The following CD48 variants were observed in gnomAD, a reference collection of about 807,000 sequenced individuals.
CD48 encodes CD48 antigen.
Under a neutral mutation model 22.0 loss-of-function variants are expected in CD48, and 20 were observed. That is an observed-to-expected ratio of 0.91 (90% confidence interval 0.64 to 1.32). The LOEUF (loss-of-function observed/expected upper bound fraction) is 1.32. CD48 is among the 40% of genes most tolerant of loss of function. CD48 has a pLI of 0.00. For synonymous variants in CD48, 110 were observed against 110.1 expected, an observed-to-expected ratio of 1.00 and a Z score of 0.01; for missense variants, 307 against 286.5, an observed-to-expected ratio of 1.07 and a Z score of -0.52.
intron 1 of CD48, among the ~76,000 whole-genome samples, chr1:160,704,662 T>C (rs1231896139): frequency 6.6e-6 from 1 of 152,240 alleles, no homozygotes; most frequent in African/African-American, 2.4e-5. Context: ...CTATTTTTTA[T>C]GCTGTCATGT....
In CD48 at chr1:160,682,603, C is replaced by T. The variant is rs138353164; in HGVS notation, c.386-1135G>A. ...TTTTGGAGTGAGACCAGCCTGGGTC[C>T]TGGACTTGACTCTAGTGGAGTGACA... On this transcript the variant is annotated intron_variant, in intron 2 of 3. Coordinates refer to ENST00000368046, the MANE Select transcript of CD48 (RefSeq NM_001778.4). Among the ~76,000 whole-genome samples the T allele has an allele frequency of 3.6e-3, 549 of 151,980 alleles. 5 individuals are homozygous for T. The highest frequency in any genetic ancestry group is 0.013 in the African/African-American group (524 of 41,424).
intron 1 of CD48, among the ~76,000 whole-genome samples, chr1:160,686,145 G>C (rs1661992213): frequency 6.6e-6 from 1 of 152,124 alleles, no homozygotes; most frequent in Non-Finnish European, 1.5e-5. Context: ...AGGAAAGTTA[G>C]GGTGGTATAT....
At chr1:160,700,947 G>A (rs575005501) in intron 1 of CD48, among the ~76,000 whole-genome samples, 1 of 152,110 alleles carries the variant, frequency 6.6e-6, no homozygotes, top group South Asian at 2.1e-4. Flanking sequence ...TTCTTTATCA[G>A]TGGGGGCAGC....
chr1:160,682,174 G>A (rs1302297497), intron 2 of CD48, among the ~76,000 whole-genome samples: 1 of 152,090 alleles, frequency 6.6e-6, no homozygotes, highest in African/African-American at 2.4e-5. Context: ...ACAGCCGGGT[G>A]CAGCGGCTCA....
At chr1:160,704,222 T>C (rs1047020948) in intron 1 of CD48, among the ~76,000 whole-genome samples, 1 of 152,230 alleles carries the variant, frequency 6.6e-6, no homozygotes, top group African/African-American at 2.4e-5. Flanking sequence ...GCCCTAGCAG[T>C]ATTCATGTAA....
At chr1:160,679,799 A>C (rs1269139425) in intron 3 of CD48, among the ~76,000 whole-genome samples, 1 of 152,202 alleles carries the variant, frequency 6.6e-6, no homozygotes, top group East Asian at 1.9e-4. Context: ...CTTCGGATGA[A>C]CAGTCACACC....
intron 3 of CD48, chr1:160,680,834 A>T (rs1661767076): frequency 1.6e-6 from 2 of 1,288,618 alleles, no homozygotes; most frequent in African/African-American, 3.0e-5. Flanking sequence ...GCCCCTCTAG[A>T]CAGCTGCTCG....
intron 1 of CD48, among the ~76,000 whole-genome samples, chr1:160,692,894 G>A (rs1202330245): frequency 7.6e-6 from 1 of 131,376 alleles, no homozygotes; most frequent in Non-Finnish European, 1.6e-5. Context: ...GACATTATTA[G>A]ATTCCATTGC....
At chr1:160,704,374 T>C (rs915835414) in intron 1 of CD48, among the ~76,000 whole-genome samples, 3 of 152,172 alleles carry the variant, frequency 2.0e-5, no homozygotes, top group Non-Finnish European at 4.4e-5. Flanking sequence ...GAAGTAGAAA[T>C]GGGAAGTACT....
At chr1:160,692,749 G>A (rs1238227396) in intron 1 of CD48, among the ~76,000 whole-genome samples, 3 of 152,188 alleles carry the variant, frequency 2.0e-5, no homozygotes, top group Non-Finnish European at 4.4e-5. Context: ...CGTTAGAACC[G>A]ATGCCACCTG....
intron 1 of CD48, among the ~76,000 whole-genome samples, chr1:160,694,405 G>A (rs1269513977): frequency 1.3e-5 from 2 of 151,660 alleles, no homozygotes; most frequent in Non-Finnish European, 2.9e-5. Context: ...TAAATCAGTG[G>A]CCAAAAAATT....
chr1:160,691,260 G>T (rs1250685572), intron 1 of CD48, among the ~76,000 whole-genome samples: 2 of 152,138 alleles, frequency 1.3e-5, no homozygotes, highest in Non-Finnish European at 1.5e-5. Context: ...TCTTGCAGTT[G>T]AGACAAGAGG....
chr1:160,680,611 T>C, intron 3 of CD48: 17 of 1,003,762 alleles, frequency 1.7e-5, no homozygotes, highest in Non-Finnish European at 2.0e-5. Flanking sequence ...CACTCATGAG[T>C]GGATCCTCCC....
intron 2 of CD48, 193 bp downstream of exon 2, chr1:160,684,694 G>A (rs1474923654): frequency 6.7e-7 from 1 of 1,485,622 alleles, no homozygotes; most frequent in Non-Finnish European, 8.9e-7. Context: ...AATGTCCTAA[G>A]ATTGTTAATT....
chr1:160,701,160 T>A (rs1301313195), intron 1 of CD48, among the ~76,000 whole-genome samples: 1 of 107,520 alleles, frequency 9.3e-6, no homozygotes, highest in Non-Finnish European at 2.0e-5. Context: ...ACAATCTGAT[T>A]TATGTAAAGC....
rs527957065 is a variant in CD48 at position 160,690,810 on chromosome 1, A to T, written c.83-5621T>A. ...TGTGGGGAAAAGCAAGAGAGGTCAGATTGTTACTGTGTCTGTATAGAAAGA... is the reference window on the plus strand; with the variant it reads ...TGTGGGGAAAAGCAAGAGAGGTCAGTTTGTTACTGTGTCTGTATAGAAAGA... On this transcript the variant is annotated intron_variant, in intron 1 of 3. Transcript: ENST00000368046. Among the ~76,000 whole-genome samples the T allele has an allele frequency of 4.6e-5, 7 of 152,310 alleles. No homozygotes were observed. In the South Asian group the frequency reaches 8.3e-4, roughly 18 times the overall value.
chr1:160,695,187 T>G (rs1198486314), intron 1 of CD48, among the ~76,000 whole-genome samples: 3 of 152,300 alleles, frequency 2.0e-5, no homozygotes, highest in Non-Finnish European at 4.4e-5. Context: ...CCACCAGGTT[T>G]CAGTGGAAAG....
intron 2 of CD48, among the ~76,000 whole-genome samples, 177 bp from the exon 3 acceptor site, chr1:160,681,645 C>A (rs1272584433): frequency 6.6e-6 from 1 of 152,206 alleles, no homozygotes; most frequent in African/African-American, 2.4e-5. Flanking sequence ...TGAGGCCTCA[C>A]AGACTCACTG....
chr1:160,684,742 T>C lies in CD48; in HGVS notation c.385+145A>G, dbSNP rs755131524. The C allele has an allele frequency of 8.8e-6, 14 of 1,594,556 alleles. No homozygotes were observed. The East Asian group carries it at 1.3e-4, about 15-fold the overall frequency. On this transcript the variant is annotated intron_variant, in intron 2 of 3. Transcript: ENST00000368046. ...GACCTAGGCTCACTCCCAAATAGAA[T>C]TGGATCAAGGAAAAATGAATCAAAC...
Sources: allele counts gnomAD v4.1 joint callset (sites outside exome capture counted in the v4.1 genomes callset), GRCh38; gene constraint gnomAD v4.1.1; transcripts MANE v1.5; gene names NCBI Gene and HGNC (gene_info 2026-07-23, HGNC 2026-07-21).